Variants in CRB1 observed in about 807,000 individuals in gnomAD.
The protein encoded by CRB1 is crumbs cell polarity complex component 1.
A neutral mutation model predicts 120.0 loss-of-function variants in CRB1; 83 were observed. That is an observed-to-expected ratio of 0.69 (90% CI 0.58 to 0.83). The LOEUF (loss-of-function observed/expected upper bound fraction) is 0.83. Ranked by LOEUF, CRB1 falls within the 40% of genes least tolerant of loss-of-function variation. The pLI is 0.00. For missense variants in CRB1, 1,699 were observed against 1,687.6 expected, an observed-to-expected ratio of 1.01 and a Z score of -0.12; for synonymous variants, 625 against 612.5, an observed-to-expected ratio of 1.02 and a Z score of -0.30.
chr1:197,448,580 A>G (rs978679127), intron 11 of CRB1, among the ~76,000 whole-genome samples: 2 of 152,210 alleles, frequency 1.3e-5, no homozygotes, highest in Non-Finnish European at 2.9e-5. Flanking sequence ...AACTTTTCAC[A>G]GCTGCCACAG....
the CRB1 span, among the ~76,000 whole-genome samples, chr1:197,215,482 G>T: frequency 1.3e-5 from 2 of 151,900 alleles, no homozygotes; most frequent in Admixed American, 1.3e-4. Flanking sequence ...TCTCCATGTT[G>T]GTCAGGCTGG....
intron 2 of CRB1, among the ~76,000 whole-genome samples, chr1:197,335,003 G>C (rs1347277052): frequency 6.6e-6 from 1 of 152,194 alleles, no homozygotes; most frequent in Non-Finnish European, 1.5e-5. Context: ...ACTTTAGGTA[G>C]AATGATCAAG....
the CRB1 span, among the ~76,000 whole-genome samples, chr1:197,221,735 T>C: frequency 1.3e-5 from 2 of 152,316 alleles, no homozygotes; most frequent in African/African-American, 4.8e-5. Context: ...TGAACCTGTT[T>C]TGAATCACTA....
the CRB1 span, chr1:197,222,218 C>T: frequency 2.0e-6 from 1 of 493,862 alleles, no homozygotes; most frequent in South Asian, 1.8e-5. Flanking sequence ...GCCGCAGCGG[C>T]ACCATGATTG....
At chr1:197,350,589 G>A (rs563759778) in intron 4 of CRB1, among the ~76,000 whole-genome samples, 1 of 152,256 alleles carries the variant, frequency 6.6e-6, no homozygotes, top group South Asian at 2.1e-4. Flanking sequence ...AATATAAAAG[G>A]TATCGTCCCT....
intron 1 of CRB1, among the ~76,000 whole-genome samples, chr1:197,298,124 T>C (rs1656646122): frequency 3.3e-5 from 5 of 152,168 alleles, no homozygotes; most frequent in Admixed American, 2.0e-4. Context: ...TTGCTTCTTT[T>C]CTTTTGTTCT....
At chr1:197,234,310 ACT>A in the CRB1 span, among the ~76,000 whole-genome samples, 2 of 151,854 alleles carry the variant, frequency 1.3e-5, no homozygotes, top group South Asian at 4.2e-4. Context: ...TAGTTTCCTG[ACT>A]CTTCTCTCTT....
chr1:197,383,337 T>G (rs1662051381), intron 5 of CRB1, among the ~76,000 whole-genome samples: 1 of 152,120 alleles, frequency 6.6e-6, no homozygotes, highest in Non-Finnish European at 1.5e-5. Context: ...CTCTGAATCA[T>G]CAGATAACCT....
At chr1:197,328,267 T>C (rs764563530) in intron 1 of CRB1, among the ~76,000 whole-genome samples, 155 bp from the exon 2 acceptor site, 49 of 152,236 alleles carry the variant, frequency 3.2e-4, no homozygotes, top group Non-Finnish European at 5.9e-4. Context: ...GTGCTAGGTA[T>C]AGTAATGTAG....
chr1:197,378,434 T>C (rs1050317319), intron 5 of CRB1, among the ~76,000 whole-genome samples: 13 of 152,202 alleles, frequency 8.5e-5, no homozygotes, highest in Non-Finnish European at 1.9e-4. Flanking sequence ...TTCTCTTCCT[T>C]GTTTGCTCTT....
intron 11 of CRB1, among the ~76,000 whole-genome samples, chr1:197,461,427 A>G (rs1666524880): frequency 6.6e-6 from 1 of 152,104 alleles, no homozygotes; most frequent in Non-Finnish European, 1.5e-5. Context: ...TCTGGGATGG[A>G]AAGAGCCTGG....
chr1:197,405,061 T>TCTCCCTCTCCCTCTCCCC (rs1663274701), intron 5 of CRB1, among the ~76,000 whole-genome samples: 1 of 151,584 alleles, frequency 6.6e-6, no homozygotes, highest in Non-Finnish European at 1.5e-5. Context: ...TCCCTCTCCC[T>TCTCCCTCTCCCTCTCCCC]CTCCCTCTCC....
chr1:197,321,718 T>A (rs922125507), intron 1 of CRB1, among the ~76,000 whole-genome samples: 3 of 152,158 alleles, frequency 2.0e-5, no homozygotes, highest in African/African-American at 2.4e-5. Flanking sequence ...GAAGAACACT[T>A]TAGGTTGCAT....
At chr1:197,319,993 G>A (rs1198531584) in intron 1 of CRB1, among the ~76,000 whole-genome samples, 29 of 152,108 alleles carry the variant, frequency 1.9e-4, no homozygotes, top group Admixed American at 1.8e-3. Flanking sequence ...TTGATGAAAC[G>A]CTTAAAATCT....
chr1:197,435,764 C>A (rs2125501564), intron 9 of CRB1, 152 bp downstream of exon 9: 1 of 702,436 alleles, frequency 1.4e-6, no homozygotes, highest in Non-Finnish European at 2.4e-6. Flanking sequence ...TGGTCATGTT[C>A]AGATGGGATC....
chr1:197,400,107 T>A (rs1166741099), intron 5 of CRB1, among the ~76,000 whole-genome samples: 5 of 152,076 alleles, frequency 3.3e-5, no homozygotes, highest in Non-Finnish European at 5.9e-5. Context: ...GAGGACCAAG[T>A]CAATAAAACC....
At chr1:197,240,622 C>T in the CRB1 span, among the ~76,000 whole-genome samples, 970 of 152,230 alleles carry the variant, frequency 6.4e-3, 9 homozygotes, top group African/African-American at 0.022. Context: ...CATTGATGCG[C>T]ATTTGGTTTG....
the CRB1 span, among the ~76,000 whole-genome samples, chr1:197,259,277 C>A: frequency 6.6e-6 from 1 of 152,178 alleles, no homozygotes; most frequent in African/African-American, 2.4e-5. Flanking sequence ...TGGAATCAAT[C>A]CAAATGCCCA....
intron 3 of CRB1, among the ~76,000 whole-genome samples, chr1:197,346,129 C>A (rs1412718949): frequency 6.6e-6 from 1 of 152,174 alleles, no homozygotes; most frequent in African/African-American, 2.4e-5. Flanking sequence ...CTTTTATTCT[C>A]CTCACTTGAA....
Sources: allele counts gnomAD v4.1 joint callset (sites outside exome capture counted in the v4.1 genomes callset), GRCh38; gene constraint gnomAD v4.1.1; transcripts MANE v1.5; gene names NCBI Gene and HGNC (gene_info 2026-07-23, HGNC 2026-07-21).